Variants in CHST3 observed in about 807,000 individuals in gnomAD.
CHST3 encodes carbohydrate sulfotransferase 3.
CHST3 carries 20 observed loss-of-function variants against 35.4 expected under a neutral mutation model. The observed-to-expected ratio is 0.57, with a 90% CI of 0.40 to 0.82. The LOEUF is 0.82. Among genes scored for constraint, CHST3 ranks in the 40% least tolerant of loss-of-function variants. The pLI, the probability that CHST3 is intolerant of heterozygous loss-of-function variation, is 0.00. For missense variants in CHST3, 693 were observed against 670.1 expected, an observed-to-expected ratio of 1.03 and a Z score of -0.38; for synonymous variants, 334 against 295.9, an observed-to-expected ratio of 1.13 and a Z score of -1.32.
At chr10:71,979,929 G>A (rs1839784680) in intron 1 of CHST3, among the ~76,000 whole-genome samples, 1 of 152,168 alleles carries the variant, frequency 6.6e-6, no homozygotes, top group Non-Finnish European at 1.5e-5. Flanking sequence ...AGTTTTATAA[G>A]CACAGGGAAA....
chr10:72,000,542 G>A (rs867481119), intron 1 of CHST3, among the ~76,000 whole-genome samples: 1 of 152,296 alleles, frequency 6.6e-6, no homozygotes, highest in Middle Eastern at 3.4e-3. Context: ...GATCTGGCCC[G>A]GGCAGAGGTA....
In CHST3 at chr10:72,007,275, G is replaced by A. The variant is rs368468468; in HGVS notation, c.244G>A (p.Glu82Lys). 34 of 1,614,018 alleles carry A rather than the reference G, an allele frequency of 2.1e-5. No homozygotes were observed. The highest frequency in any genetic ancestry group is 2.7e-5 in the African/African-American group (2 of 74,938). The change falls in exon 3 of 3, where the codon GAG becomes AAG. Residue 82 changes from glutamate (E) to lysine (K), a missense_variant. Coordinates refer to ENST00000373115, the MANE Select transcript of CHST3 (RefSeq NM_004273.5). Reference sequence around the variant, plus strand: ...GAACGCATCTCTCTTGTCCCTGAGCGAGCTCGATTCAGCCTTCTCCCAGCT... The same window carrying A: ...GAACGCATCTCTCTTGTCCCTGAGCAAGCTCGATTCAGCCTTCTCCCAGCT... Reference protein sequence around the residue: ...AENASLLSLSELDSAFSQLQS... With the variant: ...AENASLLSLSKLDSAFSQLQS...
chr10:72,003,015 C>T (rs75960715), intron 1 of CHST3, among the ~76,000 whole-genome samples: 312 of 152,310 alleles, frequency 2.0e-3, no homozygotes, highest in Admixed American at 4.3e-3. Context: ...GTGACCTGGA[C>T]CTGGGAGGGG....
chr10:71,987,060 C>T (rs180848542), intron 1 of CHST3, among the ~76,000 whole-genome samples: 3 of 152,308 alleles, frequency 2.0e-5, no homozygotes, highest in Admixed American at 2.0e-4. Context: ...ACGCTCAGAG[C>T]AGTTAGACAA....
rs552614327 is a variant in CHST3, at chr10:72,002,183, G to C, written c.-107-3553G>C. On this transcript the variant is annotated intron_variant, in intron 1 of 2. Coordinates refer to ENST00000373115, the MANE Select transcript of CHST3 (RefSeq NM_004273.5). ...GGGCAAGGGAGCCAACAGCCTGCCT[G>C]GGTTTCCTGTCCAAGTGTCCAGCTT... Among the ~76,000 whole-genome samples the C allele has an allele frequency of 2.0e-5, 3 of 152,334 alleles. No individual in the cohort carries two copies. In the East Asian group the frequency reaches 5.8e-4, roughly 29 times the overall value.
At chr10:71,976,942 T>C (rs1839751308) in intron 1 of CHST3, among the ~76,000 whole-genome samples, 2 of 152,332 alleles carry the variant, frequency 1.3e-5, no homozygotes, top group South Asian at 4.1e-4. Context: ...GTGTGGTCTC[T>C]TTCCCATGCC....
At chr10:71,986,047 G>A (rs757414829) in intron 1 of CHST3, among the ~76,000 whole-genome samples, 1 of 152,206 alleles carries the variant, frequency 6.6e-6, no homozygotes, top group Non-Finnish European at 1.5e-5. Flanking sequence ...TATTGTATGT[G>A]TATCAGTGTT....
rs1010429425 is a variant in CHST3 at position 71,965,505 on chromosome 10, G to C, written c.-108+811G>C. ...GCAGATTCCAGTCCTGGGTGTGGAC[G>C]GGGTAAGGGGAGGTGGGGGGATTTA... On this transcript the variant is annotated intron_variant, in intron 1 of 2. Transcript: ENST00000373115. Among the ~76,000 whole-genome samples, 3 of 152,176 alleles carry C rather than the reference G, an allele frequency of 2.0e-5. No homozygotes were observed. In the East Asian group the frequency reaches 5.8e-4, roughly 29 times the overall value.
intron 1 of CHST3, among the ~76,000 whole-genome samples, chr10:71,973,461 G>A (rs765742409): frequency 9.9e-5 from 15 of 152,208 alleles, no homozygotes; most frequent in African/African-American, 3.1e-4. Flanking sequence ...TGGCTGAGTC[G>A]TTTCCCTGAG....
intron 1 of CHST3, among the ~76,000 whole-genome samples, chr10:71,967,970 G>A (rs6480590): frequency 0.34 from 40,186 of 117,588 alleles, 5,697 homozygotes; most frequent in South Asian, 0.45. Flanking sequence ...CACCATGCGT[G>A]GCTAATTTTT....
intron 1 of CHST3, among the ~76,000 whole-genome samples, chr10:71,971,689 C>T (rs1422027233): frequency 2.0e-5 from 3 of 152,248 alleles, no homozygotes; most frequent in Admixed American, 6.5e-5. Flanking sequence ...CCCCCGTCCC[C>T]GCACTGTGAC....
At chr10:71,983,450 G>C (rs1032903679) in intron 1 of CHST3, among the ~76,000 whole-genome samples, 1 of 152,022 alleles carries the variant, frequency 6.6e-6, no homozygotes, top group Admixed American at 6.5e-5. Context: ...CATGCATTTG[G>C]GACCATGCCT....
intron 1 of CHST3, among the ~76,000 whole-genome samples, chr10:71,969,402 G>T (rs965484395): frequency 2.0e-5 from 3 of 152,226 alleles, no homozygotes; most frequent in African/African-American, 7.2e-5. Flanking sequence ...GGCTGAGAGT[G>T]GTTATCCCTG....
chr10:71,971,443 G>A (rs1839693884), intron 1 of CHST3, among the ~76,000 whole-genome samples: 1 of 152,186 alleles, frequency 6.6e-6, no homozygotes, highest in Non-Finnish European at 1.5e-5. Context: ...TCTGTCATGT[G>A]TGTGCTGTTC....
intron 1 of CHST3, among the ~76,000 whole-genome samples, chr10:72,002,898 G>A (rs1261545825): frequency 1.3e-5 from 2 of 152,208 alleles, no homozygotes; most frequent in Admixed American, 6.5e-5. Flanking sequence ...TTCTAGATGC[G>A]AGTCCCGACT....
chr10:72,005,828 G>A lies in CHST3; in HGVS notation c.-15G>A, dbSNP rs1307825804. Reference sequence around the variant, plus strand: ...AAGGCTGGCCCGAGGAGCCCCCACGGCCCCACCTTTCCCCATGGAGAAAGG... The same window carrying A: ...AAGGCTGGCCCGAGGAGCCCCCACGACCCCACCTTTCCCCATGGAGAAAGG... On this transcript the variant is annotated 5_prime_UTR_variant, in exon 2 of 3. Transcript: ENST00000373115. 6.2e-7 allele frequency: 1 copy of A among 1,614,178 alleles called. No homozygotes were observed. The highest frequency in any genetic ancestry group is 1.7e-5 in the Admixed American group (1 of 60,024).
At chr10:71,969,689 G>A (rs1166979083) in intron 1 of CHST3, among the ~76,000 whole-genome samples, 1 of 152,232 alleles carries the variant, frequency 6.6e-6, no homozygotes, top group Non-Finnish European at 1.5e-5. Context: ...GGGACTGGGT[G>A]TGGGGAGAAG....
At chr10:71,999,631 C>A (rs1455221028) in intron 1 of CHST3, among the ~76,000 whole-genome samples, 3 of 152,226 alleles carry the variant, frequency 2.0e-5, no homozygotes, top group Admixed American at 2.0e-4. Flanking sequence ...GCAGGGCCGT[C>A]CCTTATCACA....
At chr10:72,000,656 C>T (rs1483697686) in intron 1 of CHST3, among the ~76,000 whole-genome samples, 3 of 152,088 alleles carry the variant, frequency 2.0e-5, no homozygotes, top group Admixed American at 6.6e-5. Flanking sequence ...ATCTTGAAGG[C>T]CCTTACAGGG....
Sources: gnomAD v4.1 joint callset for allele counts (sites outside exome capture counted in the v4.1 genomes callset) on GRCh38, gnomAD v4.1.1 for gene constraint, MANE v1.5 for transcripts, NCBI Gene and HGNC (gene_info 2026-07-23, HGNC 2026-07-21) for gene names.